The following GRK5 variants were observed in gnomAD, a reference collection of about 807,000 sequenced individuals.
GRK5 encodes the protein G protein-coupled receptor kinase 5, also known as g protein-coupled receptor kinase GRK5.
In GRK5, 40 loss-of-function variants were observed where a neutral mutation model predicts 78.4. The observed-to-expected ratio is 0.51, with a 90% CI of 0.40 to 0.66. The LOEUF (loss-of-function observed/expected upper bound fraction) is 0.66, where lower values mean the gene tolerates loss of function less well. Ranked by LOEUF, GRK5 falls within the 30% of genes least tolerant of loss-of-function variation. The pLI is 0.00. For synonymous variants in GRK5, 289 were observed against 296.8 expected, an observed-to-expected ratio of 0.97 and a Z score of 0.27; for missense variants, 598 against 759.9, an observed-to-expected ratio of 0.79 and a Z score of 2.50.
intron 1 of GRK5, among the ~76,000 whole-genome samples, chr10:119,317,477 G>T (rs1850510741): frequency 6.6e-6 from 1 of 152,068 alleles, no homozygotes; most frequent in Non-Finnish European, 1.5e-5. Flanking sequence ...AGCGGCCCCT[G>T]AGGCTGTCTC....
intron 1 of GRK5, among the ~76,000 whole-genome samples, chr10:119,261,272 G>A (rs564129634): frequency 6.6e-6 from 1 of 151,728 alleles, no homozygotes; most frequent in South Asian, 2.1e-4. Context: ...GTGGCGGCCG[G>A]GCAGAGGCGC....
At chr10:119,288,695 GGT>G (rs1849900425) in intron 1 of GRK5, among the ~76,000 whole-genome samples, 1 of 152,214 alleles carries the variant, frequency 6.6e-6, no homozygotes, top group Non-Finnish European at 1.5e-5. Context: ...GACTGGCTTA[GGT>G]GTGTGTGGGG....
At chr10:119,406,562 G>A (rs1300472783) in intron 4 of GRK5, 15 of 774,444 alleles carry the variant, frequency 1.9e-5, no homozygotes, top group Admixed American at 6.2e-5. Flanking sequence ...GAGATTGCCC[G>A]GCCCTCATTT....
Position 119,423,271 on chromosome 10 carries a change from G to T in GRK5, c.440+5G>T. 6.2e-7 allele frequency: 1 copy of T among 1,605,866 alleles called. No individual in the cohort carries two copies. The highest frequency in any genetic ancestry group is 8.5e-7 in the Non-Finnish European group (1 of 1,172,446). On this transcript the variant is annotated splice_donor_5th_base_variant and intron_variant, in intron 5 of 15. Coordinates refer to ENST00000392870, the MANE Select transcript of GRK5 (RefSeq NM_005308.3). The stretch of plus-strand genomic sequence containing the variant: ...ACTCTTTTCTGCCTGTGCACAGTAA[G>T]TGCCGTAGTCACCTGGCCTGTCCTC...
chr10:119,413,410 C>T (rs1241728061), intron 4 of GRK5, among the ~76,000 whole-genome samples: 3 of 151,098 alleles, frequency 2.0e-5, no homozygotes, highest in South Asian at 2.1e-4. Context: ...CACACAGGCG[C>T]GTGCACACAC....
chr10:119,214,932 T>C (rs1848546015), intron 1 of GRK5, among the ~76,000 whole-genome samples: 4 of 152,238 alleles, frequency 2.6e-5, no homozygotes. Flanking sequence ...TGGTGTGCCA[T>C]GGCGCCTTCC....
intron 8 of GRK5, among the ~76,000 whole-genome samples, chr10:119,433,730 A>C (rs1169163509): frequency 6.6e-6 from 1 of 152,144 alleles, no homozygotes; most frequent in Non-Finnish European, 1.5e-5. Flanking sequence ...TATGTGGAGA[A>C]GGATTACCTT....
At chr10:119,415,355 G>A (rs1443968047) in intron 4 of GRK5, among the ~76,000 whole-genome samples, 1 of 152,180 alleles carries the variant, frequency 6.6e-6, no homozygotes, top group Non-Finnish European at 1.5e-5. Context: ...CAGCCAGTGT[G>A]GGGCCAGAGC....
intron 14 of GRK5, 39 bp from the exon 15 acceptor site, chr10:119,453,106 C>A: frequency 1.5e-6 from 2 of 1,318,300 alleles, no homozygotes; most frequent in Non-Finnish European, 2.2e-6. Context: ...CTGACTGCCC[C>A]AGTTGACGGC....
chr10:119,262,122 A>G lies in GRK5; in HGVS notation c.52+54153A>G, dbSNP rs1849417626. On this transcript the variant is annotated intron_variant, in intron 1 of 15. Coordinates refer to ENST00000392870, the MANE Select transcript of GRK5 (RefSeq NM_005308.3). ...GTACCTATTTTGTGTTGTCAGATGTACGTGTGTGAGTTACTGATTTTCTTC... is the reference window on the plus strand; with the variant it reads ...GTACCTATTTTGTGTTGTCAGATGTGCGTGTGTGAGTTACTGATTTTCTTC... 2.6e-5 allele frequency among the ~76,000 whole-genome samples: 4 copies of G among 152,220 alleles called. No individual in the cohort carries two copies. In the South Asian group the frequency reaches 8.3e-4, roughly 32 times the overall value.
At chr10:119,420,819 A>G (rs1294758193) in intron 4 of GRK5, among the ~76,000 whole-genome samples, 1 of 152,162 alleles carries the variant, frequency 6.6e-6, no homozygotes, top group East Asian at 1.9e-4. Flanking sequence ...GGCCTCAAGC[A>G]ATCCTCCTGC....
At chr10:119,409,651 C>T (rs1041040021) in intron 4 of GRK5, among the ~76,000 whole-genome samples, 8 of 152,270 alleles carry the variant, frequency 5.3e-5, no homozygotes, top group Non-Finnish European at 7.3e-5. Context: ...AGTGGCATCA[C>T]GTGGCTGAGG....
rs557482611 is a variant in GRK5 at position 119,324,808 on chromosome 10, G to T, written c.53-1708G>T. Among the ~76,000 whole-genome samples, 133 of 152,344 alleles carry T rather than the reference G, an allele frequency of 8.7e-4. 1 individual carries two copies. The South Asian group carries it at 0.012, about 14-fold the overall frequency. On this transcript the variant is annotated intron_variant, in intron 1 of 15. Transcript: ENST00000392870. ...CCCGTTGGCAGAAAGAGTGAGCGTG[G>T]CATGGGTGATTTCTTCCTCAAAGAG...
chr10:119,301,870 C>T (rs1850187618), intron 1 of GRK5, among the ~76,000 whole-genome samples: 1 of 152,168 alleles, frequency 6.6e-6, no homozygotes, highest in Admixed American at 6.5e-5. Flanking sequence ...GAGCCTGGAC[C>T]CTGTCTTGAG....
chr10:119,368,848 C>T (rs1303549235), intron 2 of GRK5, among the ~76,000 whole-genome samples: 1 of 152,212 alleles, frequency 6.6e-6, no homozygotes, highest in Admixed American at 6.5e-5. Context: ...CTTTCGTTGC[C>T]TTGGACAGAA....
chr10:119,283,162 A>G (rs1173549293), intron 1 of GRK5, among the ~76,000 whole-genome samples: 1 of 152,152 alleles, frequency 6.6e-6, no homozygotes, highest in Non-Finnish European at 1.5e-5. Context: ...CTTTGTCAGG[A>G]TGGTGTTTTT....
intron 1 of GRK5, among the ~76,000 whole-genome samples, chr10:119,306,339 C>T (rs1329122515): frequency 2.6e-5 from 4 of 152,160 alleles, no homozygotes; most frequent in African/African-American, 7.2e-5. Context: ...CTGCACACAC[C>T]GATAAACTTC....
intron 4 of GRK5, among the ~76,000 whole-genome samples, chr10:119,403,217 A>T (rs2133861506): frequency 6.6e-6 from 1 of 152,066 alleles, no homozygotes; most frequent in Non-Finnish European, 1.5e-5. Flanking sequence ...CCCAGGCTGG[A>T]GTGCAGTGGT....
chr10:119,312,981 C>CTGGTGGCTGTGGTGGTGGTAATGA (rs1491589414), intron 1 of GRK5, among the ~76,000 whole-genome samples: 1 of 26,058 alleles, frequency 3.8e-5, no homozygotes, highest in Non-Finnish European at 1.2e-4. Context: ...GATGGTGATG[C>CTGGTGGCTGTGGTGGTGGTAATGA]TGATGGTGGT....
Sources: allele counts gnomAD v4.1 joint callset (sites outside exome capture counted in the v4.1 genomes callset), GRCh38; gene constraint gnomAD v4.1.1; transcripts MANE v1.5; gene names NCBI Gene and HGNC (gene_info 2026-07-23, HGNC 2026-07-21).